The following PIK3C2G variants were observed in gnomAD, a reference collection of about 807,000 sequenced individuals.
PIK3C2G encodes phosphatidylinositol 3-kinase C2 domain-containing subunit gamma.
PIK3C2G carries 168 observed loss-of-function variants against 181.1 expected under a neutral mutation model. That is an observed-to-expected ratio of 0.93 (90% CI 0.82 to 1.05). The LOEUF is 1.05. PIK3C2G is among the 50% of genes least tolerant of loss of function. PIK3C2G has a pLI of 0.00. For missense variants in PIK3C2G, 1,869 were observed against 1,732.8 expected, an observed-to-expected ratio of 1.08 and a Z score of -1.40; for synonymous variants, 573 against 592.2, an observed-to-expected ratio of 0.97 and a Z score of 0.47.
chr12:18,338,439 ATAT>A lies in PIK3C2G; in HGVS notation c.1291_1293del (p.Ile431del), dbSNP rs1368692480. The A allele has an allele frequency of 6.4e-7, 1 of 1,566,536 alleles. No individual in the cohort carries two copies. On this transcript the variant is annotated inframe_deletion, in exon 9 of 33. Transcript: ENST00000538779. ...TGTTATCTACAGGAAAACGTGTATA[ATAT>A]TATTGAAGAAGTTAAAAAAATATGC... is the stretch of plus-strand genomic sequence containing the variant.
intron 10 of PIK3C2G, among the ~76,000 whole-genome samples, chr12:18,344,277 TAA>T (rs1277048295): frequency 6.6e-6 from 1 of 152,012 alleles, no homozygotes; most frequent in African/African-American, 2.4e-5. Context: ...ACTGTTTCAG[TAA>T]AGAGTCACGT....
chr12:18,367,804 C>T (rs945848228), intron 12 of PIK3C2G, among the ~76,000 whole-genome samples: 1 of 151,936 alleles, frequency 6.6e-6, no homozygotes, highest in Non-Finnish European at 1.5e-5. Context: ...GTGATCTGCC[C>T]ATCTTGGTGG....
chr12:18,308,693 C>G (rs1950519230), intron 5 of PIK3C2G, among the ~76,000 whole-genome samples: 2 of 151,332 alleles, frequency 1.3e-5, no homozygotes, highest in African/African-American at 2.4e-5. Flanking sequence ...GTTGAGTACC[C>G]CAAAAAGAAT....
intron 18 of PIK3C2G, among the ~76,000 whole-genome samples, chr12:18,477,051 G>A (rs2136001862): frequency 6.6e-6 from 1 of 152,186 alleles, no homozygotes; most frequent in Middle Eastern, 3.4e-3. Context: ...CTGGCTTGAA[G>A]ACAGACACCT....
intron 10 of PIK3C2G, among the ~76,000 whole-genome samples, chr12:18,344,534 T>A (rs1939472896): frequency 6.6e-6 from 1 of 151,932 alleles, no homozygotes; most frequent in Non-Finnish European, 1.5e-5. Context: ...GTATGTGGAG[T>A]GAGCGAGCTG....
At chr12:18,315,383 T>C (rs1317869256) in intron 6 of PIK3C2G, among the ~76,000 whole-genome samples, 1 of 152,084 alleles carries the variant, frequency 6.6e-6, no homozygotes, top group Non-Finnish European at 1.5e-5. Context: ...ATTCTTCAAA[T>C]TGCCCTCAAT....
the PIK3C2G span, among the ~76,000 whole-genome samples, chr12:18,698,200 T>G: frequency 2.8e-4 from 43 of 151,388 alleles, no homozygotes; most frequent in African/African-American, 1.0e-3. Flanking sequence ...CACAATTGCT[T>G]CATAAAACCA....
chr12:18,589,318 C>T (rs1946951624), intron 29 of PIK3C2G, among the ~76,000 whole-genome samples: 1 of 151,676 alleles, frequency 6.6e-6, no homozygotes, highest in African/African-American at 2.4e-5. Flanking sequence ...GGAACAAAAA[C>T]TTGATTGGAA....
intron 29 of PIK3C2G, among the ~76,000 whole-genome samples, chr12:18,569,237 C>T (rs1416539786): frequency 1.3e-5 from 2 of 151,978 alleles, no homozygotes; most frequent in Non-Finnish European, 2.9e-5. Context: ...TGAGTCTGCC[C>T]GGCAGAGAAA....
chr12:18,377,003 C>T (rs998307016), intron 13 of PIK3C2G, among the ~76,000 whole-genome samples: 21 of 152,116 alleles, frequency 1.4e-4, no homozygotes, highest in African/African-American at 5.1e-4. Flanking sequence ...TTTTTAGTGA[C>T]ACAAGAATAG....
chr12:18,327,018 T>A lies in PIK3C2G; in HGVS notation c.1272+1920T>A, dbSNP rs569175888. On this transcript the variant is annotated intron_variant, in intron 8 of 32. Coordinates refer to ENST00000538779, the MANE Select transcript of PIK3C2G (RefSeq NM_001288772.2). ...TGTATGAAGCCTCCTATATTTCTAGTTTGAAAGAAATGATTGACTATTGTA... is the reference window on the plus strand; with the variant it reads ...TGTATGAAGCCTCCTATATTTCTAGATTGAAAGAAATGATTGACTATTGTA... 2.6e-5 allele frequency among the ~76,000 whole-genome samples: 4 copies of A among 152,246 alleles called. No homozygotes were observed. The South Asian group carries it at 8.3e-4, about 32-fold the overall frequency.
At chr12:18,317,434 A>G (rs1328373160) in intron 6 of PIK3C2G, among the ~76,000 whole-genome samples, 5 of 152,192 alleles carry the variant, frequency 3.3e-5, no homozygotes, top group Admixed American at 2.0e-4. Flanking sequence ...TACAGTATAT[A>G]CAATCTAGTA....
intron 29 of PIK3C2G, among the ~76,000 whole-genome samples, chr12:18,593,648 T>C (rs1947202592): frequency 6.6e-6 from 1 of 151,894 alleles, no homozygotes; most frequent in Admixed American, 6.6e-5. Flanking sequence ...TTTGGTCATA[T>C]AGTAGCTTCC....
At chr12:18,488,101 A>T (rs1223484345) in intron 18 of PIK3C2G, among the ~76,000 whole-genome samples, 2 of 152,136 alleles carry the variant, frequency 1.3e-5, no homozygotes, top group African/African-American at 4.8e-5. Context: ...GTCACTTATA[A>T]AAACTATTTC....
At chr12:18,723,263 A>C in the PIK3C2G span, 1 of 1,493,376 alleles carries the variant, frequency 6.7e-7, no homozygotes, top group Non-Finnish European at 9.1e-7. Flanking sequence ...AAAAGAAAAA[A>C]TACTTCACAT....
chr12:18,501,810 A>T (rs1941507697), intron 22 of PIK3C2G, among the ~76,000 whole-genome samples: 1 of 152,224 alleles, frequency 6.6e-6, no homozygotes, highest in African/African-American at 2.4e-5. Context: ...AGATCAACGT[A>T]GTTGGAAAAG....
At chr12:18,664,631 A>G in the PIK3C2G span, among the ~76,000 whole-genome samples, 1 of 152,160 alleles carries the variant, frequency 6.6e-6, no homozygotes, top group South Asian at 2.1e-4. Context: ...TAGAAAGACC[A>G]TTTGACCCAG....
chr12:18,669,284 G>T, the PIK3C2G span, among the ~76,000 whole-genome samples: 1 of 152,254 alleles, frequency 6.6e-6, no homozygotes, highest in African/African-American at 2.4e-5. Flanking sequence ...CTTAACCACT[G>T]CACTATATTC....
At chr12:18,498,430 T>G (rs1299277952) in intron 22 of PIK3C2G, among the ~76,000 whole-genome samples, 1 of 152,188 alleles carries the variant, frequency 6.6e-6, no homozygotes. Context: ...ATCTAAGATA[T>G]CTTATAAATT....
Sources: allele counts gnomAD v4.1 joint callset (sites outside exome capture counted in the v4.1 genomes callset), GRCh38; gene constraint gnomAD v4.1.1; transcripts MANE v1.5; gene names NCBI Gene and HGNC (gene_info 2026-07-23, HGNC 2026-07-21).